The following RBFOX1 variants were observed in gnomAD, a reference collection of about 807,000 sequenced individuals.
RBFOX1 encodes the protein RNA binding protein fox-1 homolog 1.
Under a neutral mutation model 57.7 loss-of-function variants are expected in RBFOX1, and 8 were observed. The ratio of observed to expected loss-of-function variants is 0.14; its 90% confidence interval spans 0.08 to 0.25. The LOEUF is 0.25. RBFOX1 is among the 10% of genes least tolerant of loss of function. RBFOX1 has a pLI of 1.00. For synonymous variants in RBFOX1, 326 were observed against 222.4 expected, an observed-to-expected ratio of 1.47 and a Z score of -4.15; for missense variants, 611 against 548.5, an observed-to-expected ratio of 1.11 and a Z score of -1.14.
At chr16:6,404,644 C>T (rs886665714) in intron 2 of RBFOX1, among the ~76,000 whole-genome samples, 5 of 152,086 alleles carry the variant, frequency 3.3e-5, no homozygotes, top group South Asian at 2.1e-4. Flanking sequence ...TTTTCATGGA[C>T]GCATCATCCC....
chr16:6,697,587 G>T lies in RBFOX1; in HGVS notation c.-16+42937G>T, dbSNP rs144957685. Among the ~76,000 whole-genome samples the T allele has an allele frequency of 2.2e-4, 33 of 152,278 alleles. 1 individual carries two copies. The East Asian group carries it at 4.6e-3, about 21-fold the overall frequency. On this transcript the variant is annotated intron_variant, in intron 3 of 15. Coordinates refer to ENST00000550418, the MANE Select transcript of RBFOX1 (RefSeq NM_018723.4). ...CAGCTTGAGTCAAAGGCTTATCCTG[G>T]AACTGGTTTCTGTGTTGGTGGATGG...
At chr16:6,936,949 G>T (rs1457470432) in intron 3 of RBFOX1, among the ~76,000 whole-genome samples, 1 of 112,738 alleles carries the variant, frequency 8.9e-6, no homozygotes, top group East Asian at 3.3e-4. Flanking sequence ...TTGTGGGGTG[G>T]GGGGAGGGGG....
intron 3 of RBFOX1, among the ~76,000 whole-genome samples, chr16:6,882,735 A>T (rs1244784660): frequency 6.6e-6 from 1 of 152,136 alleles, no homozygotes. Flanking sequence ...ACCAACGGCA[A>T]CCAAAGAGAC....
At chr16:6,969,168 T>G (rs1028551931) in intron 3 of RBFOX1, among the ~76,000 whole-genome samples, 1 of 152,118 alleles carries the variant, frequency 6.6e-6, no homozygotes, top group Non-Finnish European at 1.5e-5. Flanking sequence ...CCAAAATAGG[T>G]AACTTAACTT....
chr16:6,154,108 G>C (rs1468671727), intron 1 of RBFOX1, among the ~76,000 whole-genome samples: 1 of 152,186 alleles, frequency 6.6e-6, no homozygotes, highest in Non-Finnish European at 1.5e-5. Flanking sequence ...TTTGAAATCA[G>C]ATGTTCCTGC....
At chr16:6,164,537 G>A (rs1247902090) in intron 1 of RBFOX1, among the ~76,000 whole-genome samples, 3 of 150,590 alleles carry the variant, frequency 2.0e-5, no homozygotes, top group South Asian at 4.2e-4. Context: ...TGCTATCTCG[G>A]CCCACTGCAA....
chr16:6,128,209 TA>T (rs1432751198), intron 1 of RBFOX1, among the ~76,000 whole-genome samples: 6 of 152,250 alleles, frequency 3.9e-5, no homozygotes. Flanking sequence ...TATATTGGGT[TA>T]AATTCAATAT....
chr16:7,400,117 T>G (rs563783912), intron 4 of RBFOX1, among the ~76,000 whole-genome samples: 3 of 152,206 alleles, frequency 2.0e-5, no homozygotes, highest in Non-Finnish European at 4.4e-5. Flanking sequence ...AGTGGCACAG[T>G]TGGTATCCTA....
intron 3 of RBFOX1, among the ~76,000 whole-genome samples, chr16:6,741,148 G>A (rs1387218497): frequency 6.6e-6 from 1 of 152,028 alleles, no homozygotes; most frequent in Non-Finnish European, 1.5e-5. Flanking sequence ...AATGGTGCTG[G>A]AACAATTGGC....
intron 1 of RBFOX1, among the ~76,000 whole-genome samples, chr16:6,217,948 G>A (rs2097346830): frequency 6.6e-6 from 1 of 152,188 alleles, no homozygotes; most frequent in Non-Finnish European, 1.5e-5. Context: ...CCGGGGAGGT[G>A]GAGGTTGTAG....
chr16:7,146,423 C>G (rs975154551), intron 4 of RBFOX1, among the ~76,000 whole-genome samples: 3 of 152,182 alleles, frequency 2.0e-5, no homozygotes, highest in Admixed American at 2.0e-4. Context: ...CTCGCCTACC[C>G]AGCAGCTCTG....
intron 14 of RBFOX1, among the ~76,000 whole-genome samples, chr16:7,705,294 CAGG>C (rs1280924372): frequency 6.6e-6 from 1 of 152,050 alleles, no homozygotes; most frequent in East Asian, 1.9e-4. Flanking sequence ...ATCACGAGGT[CAGG>C]AGATCAAAAC....
At chr16:7,588,258 G>C (rs1411463301) in intron 7 of RBFOX1, among the ~76,000 whole-genome samples, 1 of 152,188 alleles carries the variant, frequency 6.6e-6, no homozygotes, top group African/African-American at 2.4e-5. Flanking sequence ...CTCTCTATCA[G>C]TGGCTAACCA....
intron 3 of RBFOX1, among the ~76,000 whole-genome samples, chr16:6,779,755 T>A (rs929534815): frequency 2.0e-4 from 5 of 25,162 alleles, no homozygotes; most frequent in Admixed American, 7.5e-4. Context: ...ATATATACTT[T>A]TATATATTTA....
chr16:7,596,136 C>CAAA, intron 8 of RBFOX1, among the ~76,000 whole-genome samples: 1 of 3,620 alleles, frequency 2.8e-4, no homozygotes. Context: ...GAAAAAAAAA[C>CAAA]AAAAAAAAAA....
intron 2 of RBFOX1, among the ~76,000 whole-genome samples, chr16:6,387,974 A>AT (rs61603572): frequency 0.1 from 8,551 of 83,984 alleles, 922 homozygotes; most frequent in African/African-American, 0.32. Flanking sequence ...TTTGTGGAAC[A>AT]TTTTTTTTTT....
At chr16:6,931,377 A>T (rs2076534602) in intron 3 of RBFOX1, among the ~76,000 whole-genome samples, 1 of 149,300 alleles carries the variant, frequency 6.7e-6, no homozygotes, top group Admixed American at 6.6e-5. Flanking sequence ...ATACACATAT[A>T]TACATACATA....
chr16:7,043,352 A>C (rs1028121920), intron 3 of RBFOX1, among the ~76,000 whole-genome samples: 1 of 152,178 alleles, frequency 6.6e-6, no homozygotes, highest in Non-Finnish European at 1.5e-5. Flanking sequence ...AAAATGTACA[A>C]TGTGTCATTT....
intron 4 of RBFOX1, among the ~76,000 whole-genome samples, chr16:5,999,900 AAAAAAAAGAGTGAAG>A (rs1555466577): frequency 3.6e-4 from 16 of 44,988 alleles, no homozygotes; most frequent in Admixed American, 7.0e-4. Flanking sequence ...AAAAAAAAAA[AAAAAAAAGAGTGAAG>A]AAGGGAAATC....
Sources: allele counts gnomAD v4.1 joint callset (sites outside exome capture counted in the v4.1 genomes callset), GRCh38; gene constraint gnomAD v4.1.1; transcripts MANE v1.5; gene names NCBI Gene and HGNC (gene_info 2026-07-23, HGNC 2026-07-21).